NUDCD1: variants seen among roughly 807,000 people sequenced by gnomAD.
NUDCD1 encodes the protein nudC domain-containing protein 1.
Under a neutral mutation model 67.8 loss-of-function variants are expected in NUDCD1, and 60 were observed. The observed-to-expected ratio is 0.88, with a 90% CI of 0.72 to 1.10. NUDCD1 has a LOEUF of 1.10. Among genes scored for constraint, NUDCD1 ranks in the 50% least tolerant of loss-of-function variants. The pLI is 0.00. For missense variants in NUDCD1, 643 were observed against 695.0 expected (o/e 0.93, Z 0.84); for synonymous variants, 244 against 230.8 (o/e 1.06, Z -0.52).
At chr8:109,273,389 T>C (rs1480278239) in intron 7 of NUDCD1, among the ~76,000 whole-genome samples, 2 of 152,014 alleles carry the variant, frequency 1.3e-5, no homozygotes, top group African/African-American at 4.8e-5. Flanking sequence ...ATTAAGAAGG[T>C]AGGCAAAAAT....
At chr8:109,291,135 G>A (rs531946093) in intron 4 of NUDCD1, among the ~76,000 whole-genome samples, 2 of 152,252 alleles carry the variant, frequency 1.3e-5, no homozygotes, top group Admixed American at 6.5e-5. Context: ...GTGGAGAAAT[G>A]CTAGGTTAAA....
At chr8:109,243,431 A>C in intron 9 of NUDCD1, 130 bp from the exon 10 acceptor site, 1 of 654,866 alleles carries the variant, frequency 1.5e-6, no homozygotes, top group South Asian at 2.7e-5. Flanking sequence ...ATATACCATA[A>C]GGTATATAAT....
chr8:109,307,295 T>G (rs949478745), intron 2 of NUDCD1, among the ~76,000 whole-genome samples: 1 of 152,242 alleles, frequency 6.6e-6, no homozygotes, highest in African/African-American at 2.4e-5. Flanking sequence ...CCCTTAAGAA[T>G]GTACTTTGTA....
At chr8:109,311,056 C>T (rs961468035) in intron 2 of NUDCD1, among the ~76,000 whole-genome samples, 4 of 152,086 alleles carry the variant, frequency 2.6e-5, no homozygotes, top group South Asian at 2.1e-4. Flanking sequence ...CCTTGTGATC[C>T]GCCTGCCTCA....
chr8:109,291,831 T>C (rs937430387), intron 4 of NUDCD1, among the ~76,000 whole-genome samples: 1 of 152,104 alleles, frequency 6.6e-6, no homozygotes, highest in African/African-American at 2.4e-5. Flanking sequence ...CTGAGGCAAT[T>C]TGATGAGTTA....
chr8:109,251,297 C>T (rs536277280), intron 8 of NUDCD1, among the ~76,000 whole-genome samples: 1 of 151,522 alleles, frequency 6.6e-6, no homozygotes, highest in East Asian at 1.9e-4. Context: ...CTCAGTCTCT[C>T]GAGTAGCGGG....
intron 2 of NUDCD1, among the ~76,000 whole-genome samples, chr8:109,298,065 A>C (rs983151733): frequency 6.6e-6 from 1 of 152,130 alleles, no homozygotes; most frequent in Non-Finnish European, 1.5e-5. Flanking sequence ...CCGAAACAGC[A>C]CCTTTCCTTC....
chr8:109,280,838 T>A (rs1380084497), intron 6 of NUDCD1, 130 bp downstream of exon 6: 3 of 476,410 alleles, frequency 6.3e-6, no homozygotes, highest in African/African-American at 5.8e-5. Flanking sequence ...ATTTTTAATA[T>A]ATCTTAAGAA....
At chr8:109,310,151 G>A (rs560633367) in intron 2 of NUDCD1, among the ~76,000 whole-genome samples, 4 of 152,014 alleles carry the variant, frequency 2.6e-5, no homozygotes, top group South Asian at 2.1e-4. Context: ...AAAACAGCCC[G>A]CATAACCAAA....
intron 8 of NUDCD1, among the ~76,000 whole-genome samples, chr8:109,266,535 C>T (rs140587892): frequency 0.021 from 3,221 of 151,720 alleles, 112 homozygotes; most frequent in African/African-American, 0.074. Context: ...TGAGCCACCT[C>T]GCCCGGCTAT....
intron 8 of NUDCD1, among the ~76,000 whole-genome samples, chr8:109,258,866 A>G (rs1420694801): frequency 6.6e-6 from 1 of 152,182 alleles, no homozygotes; most frequent in Admixed American, 6.5e-5. Context: ...GGAATTAAAG[A>G]CTTCTGCACA....
Position 109,296,456 on chromosome 8 carries a change from C to A in NUDCD1, c.387G>T (p.Leu129Phe). Residue 129 changes from leucine (L) to phenylalanine (F), a missense_variant, in exon 3 of 10, where the codon TTG becomes TTT. Transcript: ENST00000239690. ...IHFSSSTWVT[L>F]SDGTGRLYVI... ...CATACAATCTTCCAGTTCCATCTGACAAGGTAACCCAGGTAGAAGATGAGA... is the reference window on the plus strand; with the variant it reads ...CATACAATCTTCCAGTTCCATCTGAAAAGGTAACCCAGGTAGAAGATGAGA... 1 of 1,613,652 alleles carries A rather than the reference C, an allele frequency of 6.2e-7. No homozygotes were observed. Among genetic ancestry groups the A allele is most frequent in the Non-Finnish European group, 8.5e-7 (1 of 1,179,666 alleles).
At chr8:109,272,282 T>C (rs1814176403) in intron 7 of NUDCD1, among the ~76,000 whole-genome samples, 1 of 151,928 alleles carries the variant, frequency 6.6e-6, no homozygotes, top group Non-Finnish European at 1.5e-5. Context: ...GAGTGGAAAA[T>C]ATAAATTTCT....
At chr8:109,249,672 G>A (rs1813577995) in intron 8 of NUDCD1, among the ~76,000 whole-genome samples, 1 of 152,092 alleles carries the variant, frequency 6.6e-6, no homozygotes, top group African/African-American at 2.4e-5. Context: ...AAGGGACAAA[G>A]TCATGTTTCA....
At chr8:109,289,104 T>C (rs1259954591) in intron 5 of NUDCD1, among the ~76,000 whole-genome samples, 1 of 151,986 alleles carries the variant, frequency 6.6e-6, no homozygotes, top group Non-Finnish European at 1.5e-5. Context: ...GCCTCCCAAG[T>C]AGCTGGCACT....
intron 3 of NUDCD1, among the ~76,000 whole-genome samples, 200 bp from the exon 4 acceptor site, chr8:109,293,724 T>A (rs1814765449): frequency 6.6e-6 from 1 of 151,966 alleles, no homozygotes; most frequent in Admixed American, 6.6e-5. Flanking sequence ...TTTAAGAAAA[T>A]ATTTATTTGT....
At chr8:109,306,498 T>A (rs1477520724) in intron 2 of NUDCD1, among the ~76,000 whole-genome samples, 1 of 151,838 alleles carries the variant, frequency 6.6e-6, no homozygotes, top group Non-Finnish European at 1.5e-5. Flanking sequence ...AAAAAAAAAG[T>A]GGGAATCTGT....
chr8:109,327,638 A>G (rs771026509), intron 1 of NUDCD1, among the ~76,000 whole-genome samples: 2 of 152,250 alleles, frequency 1.3e-5, no homozygotes, highest in African/African-American at 2.4e-5. Context: ...TGTATTTACT[A>G]TCAATGCATG....
rs144191890 is a variant in NUDCD1, at chr8:109,291,207, A to T, written c.641-1274T>A. ...GGTCTTACCCTGTTGCCCAAGCTAA[A>T]TGCAGTGGCACGATCACTGCTCACT... On this transcript the variant is annotated intron_variant, in intron 4 of 9. Transcript: ENST00000239690. 6.1e-3 allele frequency among the ~76,000 whole-genome samples: 929 copies of T among 152,298 alleles called. 14 individuals carry two copies. Among genetic ancestry groups the T allele is most frequent in the African/African-American group, 0.021 (887 of 41,564 alleles).
Sources: allele counts gnomAD v4.1 joint callset (sites outside exome capture counted in the v4.1 genomes callset), GRCh38; gene constraint gnomAD v4.1.1; transcripts MANE v1.5; gene names NCBI Gene and HGNC (gene_info 2026-07-23, HGNC 2026-07-21).